Variants in NRXN3 observed in about 807,000 individuals in gnomAD.
NRXN3 encodes the protein neurexin III.
A neutral mutation model predicts 137.6 loss-of-function variants in NRXN3; 32 were observed. That is an observed-to-expected ratio of 0.23 (90% CI 0.18 to 0.31). NRXN3 has a LOEUF of 0.31. Ranked by LOEUF, NRXN3 falls within the 10% of genes least tolerant of loss-of-function variation. The pLI is 1.00. For missense variants in NRXN3, 1,574 were observed against 2,062.5 expected, an observed-to-expected ratio of 0.76 and a Z score of 4.59; for synonymous variants, 798 against 784.5, an observed-to-expected ratio of 1.02 and a Z score of -0.29.
chr14:78,561,708 G>A lies in NRXN3; in HGVS notation c.758-83412G>A, dbSNP rs768437648. On this transcript the variant is annotated intron_variant, in intron 4 of 20. Coordinates refer to ENST00000335750, the MANE Select transcript of NRXN3 (RefSeq NM_001330195.2). Reference sequence around the variant, plus strand: ...CTGGAACATACTCCAATTTGTCATCGGCTCCTCTTAAATTCAGCACTCAGT... The same window carrying A: ...CTGGAACATACTCCAATTTGTCATCAGCTCCTCTTAAATTCAGCACTCAGT... Among the ~76,000 whole-genome samples the A allele has an allele frequency of 3.9e-5, 6 of 152,160 alleles. No homozygotes were observed. In the South Asian group the frequency reaches 6.2e-4, roughly 16 times the overall value.
intron 6 of NRXN3, among the ~76,000 whole-genome samples, chr14:78,674,336 T>C (rs1216095913): frequency 6.6e-6 from 1 of 152,210 alleles, no homozygotes; most frequent in African/African-American, 2.4e-5. Context: ...ATTCTGCAAA[T>C]AATGGGGGAC....
intron 19 of NRXN3, among the ~76,000 whole-genome samples, chr14:79,788,829 A>T (rs138213133): frequency 6.6e-5 from 10 of 152,310 alleles, no homozygotes; most frequent in African/African-American, 2.4e-4. Context: ...CAGCCTTGGG[A>T]TCAGAAAAAC....
At chr14:78,811,800 C>T (rs34072832) in intron 10 of NRXN3, among the ~76,000 whole-genome samples, 7,467 of 152,116 alleles carry the variant, frequency 0.049, 256 homozygotes, top group South Asian at 0.12. Context: ...TTTAAAATAT[C>T]GATATAAGCA....
intron 4 of NRXN3, among the ~76,000 whole-genome samples, chr14:78,449,149 C>T (rs1221214417): frequency 6.6e-6 from 1 of 152,194 alleles, no homozygotes; most frequent in African/African-American, 2.4e-5. Context: ...GGAACAGCAC[C>T]TCTCTCTGTG....
chr14:79,489,688 A>T (rs1381657008), intron 16 of NRXN3, among the ~76,000 whole-genome samples: 2 of 152,184 alleles, frequency 1.3e-5, no homozygotes, highest in Non-Finnish European at 2.9e-5. Context: ...ATAGGCGATA[A>T]TTAACCTGGA....
chr14:78,465,638 A>G (rs1450816826), intron 4 of NRXN3, among the ~76,000 whole-genome samples: 3 of 148,218 alleles, frequency 2.0e-5, no homozygotes, highest in Admixed American at 6.7e-5. Context: ...CCCAGGTTCA[A>G]ACAGTTCTCC....
At chr14:79,803,259 T>C (rs61992428) in intron 19 of NRXN3, among the ~76,000 whole-genome samples, 15,417 of 152,120 alleles carry the variant, frequency 0.1, 1,087 homozygotes, top group African/African-American at 0.19. Context: ...AAAAGGATGT[T>C]TTCTGGAACT....
chr14:79,560,821 A>G (rs1190395203), intron 16 of NRXN3, among the ~76,000 whole-genome samples: 1 of 152,056 alleles, frequency 6.6e-6, no homozygotes, highest in African/African-American at 2.4e-5. Flanking sequence ...GATTACAGGC[A>G]TAAGCCATCA....
At chr14:78,364,897 C>A (rs144881262) in intron 4 of NRXN3, among the ~76,000 whole-genome samples, 1 of 152,082 alleles carries the variant, frequency 6.6e-6, no homozygotes, top group Non-Finnish European at 1.5e-5. Context: ...ACTAAAGGTA[C>A]GTTCAGAACC....
chr14:79,654,306 C>A (rs969083741), intron 16 of NRXN3, among the ~76,000 whole-genome samples: 1 of 151,272 alleles, frequency 6.6e-6, no homozygotes. Flanking sequence ...CATAGGTGAC[C>A]TTAAATTAAA....
intron 15 of NRXN3, among the ~76,000 whole-genome samples, chr14:79,183,318 A>G (rs753732812): frequency 2.0e-5 from 3 of 152,212 alleles, no homozygotes; most frequent in Non-Finnish European, 2.9e-5. Context: ...TAGCCAGTTC[A>G]ACCCAACCAC....
intron 11 of NRXN3, among the ~76,000 whole-genome samples, chr14:78,960,795 A>G (rs901129312): frequency 6.6e-6 from 1 of 152,174 alleles, no homozygotes; most frequent in African/African-American, 2.4e-5. Context: ...GTCCTTACCT[A>G]CATAGCATGT....
chr14:78,363,798 A>G (rs2085492064), intron 4 of NRXN3, among the ~76,000 whole-genome samples: 2 of 152,174 alleles, frequency 1.3e-5, no homozygotes, highest in African/African-American at 4.8e-5. Context: ...GGCTTCTCTT[A>G]TCCTGTGTTG....
At chr14:79,233,755 A>G (rs1011750141) in intron 15 of NRXN3, among the ~76,000 whole-genome samples, 7 of 152,006 alleles carry the variant, frequency 4.6e-5, no homozygotes, top group Non-Finnish European at 8.8e-5. Flanking sequence ...GCTTTTCTAG[A>G]TAAATTCTAG....
intron 6 of NRXN3, among the ~76,000 whole-genome samples, chr14:78,685,629 CTTTT>C (rs36106336): frequency 6.2e-5 from 5 of 80,190 alleles, no homozygotes; most frequent in African/African-American, 1.8e-4. Flanking sequence ...AGAAATGTCA[CTTTT>C]TTTTTTTTTT....
At chr14:79,767,217 C>A (rs1040291931) in intron 19 of NRXN3, among the ~76,000 whole-genome samples, 3 of 152,220 alleles carry the variant, frequency 2.0e-5, no homozygotes, top group Non-Finnish European at 4.4e-5. Context: ...TTCCTCCCAG[C>A]CCTACTGGGG....
At position 78,963,154 on chromosome 14, in the gene NRXN3, A is replaced by G. The variant is rs1202261080; in HGVS notation, c.2396-2871A>G. On this transcript the variant is annotated intron_variant, in intron 11 of 20. Coordinates refer to ENST00000335750, the MANE Select transcript of NRXN3 (RefSeq NM_001330195.2). ...CACATCCACGCTCAGTCTCTCTGCT[A>G]TCTCAATAAACACTTTTTTTTTTGC... Among the ~76,000 whole-genome samples, 4 of 143,766 alleles carry G rather than the reference A, an allele frequency of 2.8e-5. No individual in the cohort carries two copies. In the East Asian group the frequency reaches 6.2e-4, roughly 22 times the overall value. The allele number at this position is 143,766 out of a possible 152,430, so 94.3% of individuals were successfully genotyped here.
rs145230638 is a variant in NRXN3 at position 79,682,808 on chromosome 14, C to T, written c.3617-9365C>T. 8.7e-3 allele frequency among the ~76,000 whole-genome samples: 1,322 copies of T among 152,178 alleles called. 19 individuals are homozygous for T. Among genetic ancestry groups the T allele is most frequent in the Middle Eastern group, 0.027 (8 of 294 alleles). ...CTATAAATCCCAGCAAACTCTACTCCCAGAAACTGTTTTTATTTAATTATA... is the reference window on the plus strand; with the variant it reads ...CTATAAATCCCAGCAAACTCTACTCTCAGAAACTGTTTTTATTTAATTATA... On this transcript the variant is annotated intron_variant, in intron 17 of 20. Transcript: ENST00000335750.
intron 15 of NRXN3, among the ~76,000 whole-genome samples, chr14:79,156,082 A>G (rs1268759763): frequency 1.3e-5 from 2 of 151,982 alleles, no homozygotes; most frequent in East Asian, 3.9e-4. Flanking sequence ...TCCATTATAG[A>G]TAATAAAACA....
Sources: gnomAD v4.1 joint callset for allele counts (sites outside exome capture counted in the v4.1 genomes callset) on GRCh38, gnomAD v4.1.1 for gene constraint, MANE v1.5 for transcripts, NCBI Gene and HGNC (gene_info 2026-07-23, HGNC 2026-07-21) for gene names.